The following DOT1L variants were observed in gnomAD, a reference collection of about 807,000 sequenced individuals.
DOT1L encodes the protein histone-lysine N-methyltransferase, H3 lysine-79 specific.
Under a neutral mutation model 153.3 loss-of-function variants are expected in DOT1L, and 33 were observed. The observed-to-expected ratio is 0.22, with a 90% CI of 0.16 to 0.29. The LOEUF (loss-of-function observed/expected upper bound fraction) is 0.29, where lower values mean the gene tolerates loss of function less well. Ranked by LOEUF, DOT1L falls within the 10% of genes least tolerant of loss-of-function variation. The pLI, the probability that DOT1L is intolerant of heterozygous loss-of-function variation, is 1.00. For missense variants in DOT1L, 1,847 were observed against 2,119.9 expected (o/e 0.87, Z 2.53); for synonymous variants, 1,135 against 965.1 (o/e 1.18, Z -3.26).
chr19:2,198,181 C>T (rs2023098542), intron 7 of DOT1L, among the ~76,000 whole-genome samples: 1 of 152,210 alleles, frequency 6.6e-6, no homozygotes, highest in Non-Finnish European at 1.5e-5. Context: ...GTGATGCGAG[C>T]CCGGATCTGC....
chr19:2,225,736 G>A (rs1336198089), intron 26 of DOT1L, among the ~76,000 whole-genome samples: 2 of 152,170 alleles, frequency 1.3e-5, no homozygotes, highest in Non-Finnish European at 2.9e-5. Context: ...TGCGGGGATC[G>A]TCACCTTGGG....
rs139271005 is a variant in DOT1L, at chr19:2,193,231, A to C, written c.494-458A>C. ...CCCCTCACTGCCTCTCCCACCCTAC[A>C]TTGAGCCTCAGTCAGATCCTGCTCA... On this transcript the variant is annotated intron_variant, in intron 5 of 27. Coordinates refer to ENST00000398665, the MANE Select transcript of DOT1L (RefSeq NM_032482.3). This position sits in a 1 kb window ranked among gnomAD's most constrained non-coding sequence, Gnocchi z 5.9. Among the ~76,000 whole-genome samples the C allele has an allele frequency of 1.3e-5, 2 of 152,118 alleles. No homozygotes were observed. The highest frequency in any genetic ancestry group is 4.8e-5 in the African/African-American group (2 of 41,410).
chr19:2,191,309 C>A lies in DOT1L; in HGVS notation c.493+69C>A. On this transcript the variant is annotated intron_variant, in intron 5 of 27. Coordinates refer to ENST00000398665, the MANE Select transcript of DOT1L (RefSeq NM_032482.3). This position sits in a 1 kb window ranked among gnomAD's most constrained non-coding sequence, Gnocchi z 6.8. ...CACACGCTCTGTGCCTGCCCCATGC[C>A]TGCTTGGAGAAGAGTTTATCAGGGA... The A allele has an allele frequency of 6.7e-7, 1 of 1,494,498 alleles. No individual in the cohort carries two copies. The highest frequency in any genetic ancestry group is 9.3e-7 in the Non-Finnish European group (1 of 1,077,484). 92.6% of individuals were successfully genotyped at this position (1,494,498 alleles called of 1,614,324 possible).
chr19:2,214,438 C>T (rs750164439), intron 18 of DOT1L, 33 bp from the exon 19 acceptor site: 2 of 1,605,040 alleles, frequency 1.2e-6, no homozygotes, highest in African/African-American at 1.3e-5. Flanking sequence ...AGGCAGCCAG[C>T]CAGTCGCAAC....
At position 2,222,422 on chromosome 19, in the gene DOT1L, A is replaced by C; in HGVS notation, c.3253A>C (p.Arg1085=). ...GCCGAGCCACGGGCAGGACAGTCGC[A>C]GGCGCGGCCGGCGGAAGCGAGCATC... ...CVPSHGQDSR[R]RGRRKRASAG... is the part of the protein sequence containing the mutation. Residue 1085 remains arginine, a synonymous_variant, in exon 24 of 28, where the codon AGG becomes CGG. Coordinates refer to ENST00000398665, the MANE Select transcript of DOT1L (RefSeq NM_032482.3). This position sits in a 1 kb window ranked among gnomAD's most constrained non-coding sequence, Gnocchi z 6.5. The C allele has an allele frequency of 6.2e-7, 1 of 1,610,144 alleles. No individual in the cohort carries two copies. Among genetic ancestry groups the C allele is most frequent in the Non-Finnish European group, 8.5e-7 (1 of 1,178,694 alleles).
chr19:2,176,323 G>A (rs2021932793), intron 1 of DOT1L, among the ~76,000 whole-genome samples: 1 of 152,146 alleles, frequency 6.6e-6, no homozygotes, highest in African/African-American at 2.4e-5. Context: ...CTGCCTGGTG[G>A]GGACACTGTC....
At chr19:2,183,497 C>G (rs889254654) in intron 2 of DOT1L, among the ~76,000 whole-genome samples, 1 of 152,140 alleles carries the variant, frequency 6.6e-6, no homozygotes, top group Non-Finnish European at 1.5e-5. Flanking sequence ...TTTGGATGTC[C>G]GTTGAGAATC....
At chr19:2,221,869 C>T (rs2024128924) in intron 23 of DOT1L, 107 bp from the exon 24 acceptor site, 1 of 1,190,326 alleles carries the variant, frequency 8.4e-7, no homozygotes. Context: ...CCCCACTTCC[C>T]CGCCTCTCCT....
chr19:2,219,254 C>T (rs1220063035), intron 22 of DOT1L, among the ~76,000 whole-genome samples: 2 of 152,202 alleles, frequency 1.3e-5, no homozygotes, highest in African/African-American at 2.4e-5. Flanking sequence ...TCGACCCACC[C>T]GCCTCGGCCT....
chr19:2,166,036 C>A (rs1311473452), intron 1 of DOT1L, among the ~76,000 whole-genome samples: 2 of 152,066 alleles, frequency 1.3e-5, no homozygotes, highest in Non-Finnish European at 2.9e-5. Flanking sequence ...TCCCAAAGTG[C>A]TGGGATTACA....
chr19:2,228,530 C>T lies in DOT1L; in HGVS notation c.4607-1255C>T, dbSNP rs1053469201. 16 of 1,157,648 alleles carry T rather than the reference C, an allele frequency of 1.4e-5. No individual in the cohort carries two copies. The Admixed American group carries it at 3.7e-4, about 26-fold the overall frequency. The allele number at this position is 1,157,648 out of a possible 1,614,324, so 71.7% of individuals were successfully genotyped here. On this transcript the variant is annotated intron_variant, in intron 27 of 27. Coordinates refer to ENST00000398665, the MANE Select transcript of DOT1L (RefSeq NM_032482.3). ...GCCAGGGAGACCAGGGAGATGGTCG[C>T]GAGAGGAGGGACTACAGGACGGGCA... is the stretch of plus-strand genomic sequence containing the variant.
intron 7 of DOT1L, among the ~76,000 whole-genome samples, chr19:2,195,742 C>T (rs868659376): frequency 9.2e-5 from 14 of 152,180 alleles, no homozygotes; most frequent in South Asian, 4.1e-4. Context: ...CCCAGCAGAG[C>T]GGCTCAGGAT....
At position 2,225,297 on chromosome 19, in the gene DOT1L, C is replaced by T. The variant is rs193050934; in HGVS notation, c.3597-91C>T. On this transcript the variant is annotated intron_variant, in intron 25 of 27. Transcript: ENST00000398665. The stretch of plus-strand genomic sequence containing the variant: ...CCGAGTGCTTCTCGTTCACCACCTC[C>T]GGAGCTCCCTGGGCTGTTGGCTGTC... The T allele has an allele frequency of 9.3e-4, 1,222 of 1,309,698 alleles. 1 individual carries two copies. Among genetic ancestry groups the T allele is most frequent in the Non-Finnish European group, 1.2e-3 (1,118 of 907,096 alleles). 81.1% of individuals were successfully genotyped at this position (1,309,698 alleles called of 1,614,324 possible).
intron 5 of DOT1L, among the ~76,000 whole-genome samples, chr19:2,192,179 C>T (rs1041163603): frequency 1.3e-5 from 2 of 152,136 alleles, no homozygotes; most frequent in Admixed American, 1.3e-4. Flanking sequence ...GGGGAAGGGG[C>T]CCCAGGGGCA....
chr19:2,214,139 G>A (rs2023816979), intron 18 of DOT1L, 153 bp downstream of exon 18: 2 of 1,302,168 alleles, frequency 1.5e-6, no homozygotes, highest in Admixed American at 2.4e-5. Flanking sequence ...AGCTTGTCGA[G>A]CGCGTCACAG....
chr19:2,174,811 T>A (rs1308299954), intron 1 of DOT1L, among the ~76,000 whole-genome samples: 1 of 149,124 alleles, frequency 6.7e-6, no homozygotes, highest in African/African-American at 2.4e-5. Flanking sequence ...AGCAAAAACT[T>A]TTTTTGAAGA....
rs2023890716 is a variant in DOT1L, at chr19:2,216,196, C to A, written c.1924-85C>A. 1.7e-5 allele frequency: 25 copies of A among 1,492,400 alleles called. No individual in the cohort carries two copies. In the South Asian group the frequency reaches 3.0e-4, roughly 18 times the overall value. The allele number at this position is 1,492,400 out of a possible 1,614,324, so 92.4% of individuals were successfully genotyped here. On this transcript the variant is annotated intron_variant, in intron 19 of 27. Transcript: ENST00000398665. ...ACAAGCAGCGGGGGTCCTGGCCACC[C>A]CTCCGGGTGTCCATCTGTGGCAGTC...
At chr19:2,168,703 C>T (rs1402309540) in intron 1 of DOT1L, among the ~76,000 whole-genome samples, 2 of 151,466 alleles carry the variant, frequency 1.3e-5, no homozygotes, top group Non-Finnish European at 2.9e-5. Flanking sequence ...CAACATCTGC[C>T]TCCTGGGTTC....
In DOT1L at chr19:2,190,016, T is replaced by C. The variant is rs1015016205; in HGVS notation, c.264+221T>C. On this transcript the variant is annotated intron_variant, in intron 4 of 27. Coordinates refer to ENST00000398665, the MANE Select transcript of DOT1L (RefSeq NM_032482.3). The surrounding 1 kb of genome is among the most constrained non-coding windows in gnomAD (Gnocchi z 4.8). Reference sequence around the variant, plus strand: ...TGTGCCAAAGCAGAGCCGTCCGTGGTTTGTGTGCTGAGGCAGGGCCCTGAG... The same window carrying C: ...TGTGCCAAAGCAGAGCCGTCCGTGGCTTGTGTGCTGAGGCAGGGCCCTGAG... Among the ~76,000 whole-genome samples the C allele has an allele frequency of 1.3e-5, 2 of 152,048 alleles. No individual in the cohort carries two copies. Among genetic ancestry groups the C allele is most frequent in the Admixed American group, 1.3e-4 (2 of 15,272 alleles).
Sources: allele counts gnomAD v4.1 joint callset (sites outside exome capture counted in the v4.1 genomes callset), GRCh38; gene constraint gnomAD v4.1.1; non-coding constraint Gnocchi (gnomAD v3.1); transcripts MANE v1.5; gene names NCBI Gene and HGNC (gene_info 2026-07-23, HGNC 2026-07-21).